Variants in AGO4 observed in about 807,000 individuals in gnomAD.
AGO4 encodes protein argonaute-4.
AGO4 carries 33 observed loss-of-function variants against 104.7 expected under a neutral mutation model. The observed-to-expected ratio is 0.32, with a 90% confidence interval of 0.24 to 0.42. AGO4 has a LOEUF of 0.42. AGO4 is among the 10% of genes least tolerant of loss of function. The pLI is 1.00. For synonymous variants in AGO4, 331 were observed against 364.7 expected (o/e 0.91, Z 1.05); for missense variants, 711 against 1,083.4 (o/e 0.66, Z 4.83).
chr1:35,850,790 A>C (rs1644680838), intron 16 of AGO4, 64 bp from the exon 17 acceptor site: 6 of 1,024,892 alleles, frequency 5.9e-6, no homozygotes, highest in South Asian at 3.2e-5. Flanking sequence ...CAAAAAAAAA[A>C]AAAAAAAAAC....
At chr1:35,836,335 T>G (rs1192508351) in intron 13 of AGO4, among the ~76,000 whole-genome samples, 1 of 152,254 alleles carries the variant, frequency 6.6e-6, no homozygotes, top group Non-Finnish European at 1.5e-5. Flanking sequence ...TCTGTGAGGT[T>G]AATTTGTGTT....
intron 15 of AGO4, among the ~76,000 whole-genome samples, chr1:35,846,490 G>A (rs1221933809): frequency 6.6e-6 from 1 of 151,582 alleles, no homozygotes; most frequent in Non-Finnish European, 1.5e-5. Context: ...CCAGCTACTC[G>A]GGAGGCTGAG....
intron 10 of AGO4, 62 bp from the exon 11 acceptor site, chr1:35,832,370 TTGTAA>T: frequency 6.6e-7 from 1 of 1,509,828 alleles, no homozygotes; most frequent in Non-Finnish European, 8.8e-7. Context: ...TGGCCTTAGA[TTGTAA>T]TGTCTTTTCT....
chr1:35,830,902 A>G, intron 7 of AGO4, among the ~76,000 whole-genome samples: 1 of 149,354 alleles, frequency 6.7e-6, no homozygotes, highest in Non-Finnish European at 1.5e-5. Context: ...AACCCGGGAG[A>G]TGGAGATTGC....
chr1:35,831,975 CA>C (rs746810323), intron 9 of AGO4, 44 bp downstream of exon 9: 14 of 1,605,010 alleles, frequency 8.7e-6, no homozygotes, highest in Admixed American at 1.7e-5. Flanking sequence ...TTTGAGATGA[CA>C]AAAAACAAAA....
At chr1:35,833,240 C>T (rs1571287560) in intron 11 of AGO4, among the ~76,000 whole-genome samples, 1 of 151,994 alleles carries the variant, frequency 6.6e-6, no homozygotes, top group Non-Finnish European at 1.5e-5. Flanking sequence ...GATCTCACCA[C>T]TGCACTCCAG....
chr1:35,845,596 T>C (rs1644554532), intron 15 of AGO4, among the ~76,000 whole-genome samples: 1 of 152,176 alleles, frequency 6.6e-6, no homozygotes, highest in Admixed American at 6.6e-5. Context: ...TCTTCTCTTC[T>C]CAATTTCAGC....
intron 17 of AGO4, 28 bp from the exon 18 acceptor site, chr1:35,853,468 TG>T (rs751061786): frequency 1.3e-6 from 2 of 1,557,028 alleles, no homozygotes; most frequent in Middle Eastern, 1.7e-4. Context: ...TGTTTTGCTT[TG>T]TTTTGTTTTG....
chr1:35,812,984 A>C (rs1230079029), intron 1 of AGO4, among the ~76,000 whole-genome samples: 1 of 152,216 alleles, frequency 6.6e-6, no homozygotes, highest in Non-Finnish European at 1.5e-5. Context: ...GGGTTAATTC[A>C]GTATGTTTAT....
intron 1 of AGO4, 57 bp from the exon 2 acceptor site, chr1:35,816,825 A>C (rs1643722959): frequency 6.8e-7 from 1 of 1,475,622 alleles, no homozygotes. Context: ...AAAAAAAGAA[A>C]GAAAGAAAGA....
chr1:35,825,274 T>G, intron 3 of AGO4, 39 bp from the exon 4 acceptor site: 10 of 1,594,862 alleles, frequency 6.3e-6, no homozygotes, highest in Non-Finnish European at 7.7e-6. Flanking sequence ...ACAGCCATTG[T>G]AAACATTTGT....
Position 35,831,795 on chromosome 1 carries a change from T to C in AGO4, c.997-17T>C. 2 of 1,613,914 alleles carry C rather than the reference T, an allele frequency of 1.2e-6. No individual in the cohort carries two copies. Among genetic ancestry groups the C allele is most frequent in the Middle Eastern group, 1.7e-4 (1 of 6,036 alleles). ...GGAACCCTTTACACAAACCAATTTCTCTTTGTCTCTTGGCAGGTCTGTAAT... is the reference window on the plus strand; with the variant it reads ...GGAACCCTTTACACAAACCAATTTCCCTTTGTCTCTTGGCAGGTCTGTAAT... On this transcript the variant is annotated splice_polypyrimidine_tract_variant and intron_variant, in intron 8 of 17. Transcript: ENST00000373210.
chr1:35,853,681 G>A lies in AGO4; in HGVS notation c.*76G>A, dbSNP rs1293783216. 2 of 1,280,866 alleles carry A rather than the reference G, an allele frequency of 1.6e-6. No homozygotes were observed. Among genetic ancestry groups the A allele is most frequent in the African/African-American group, 1.5e-5 (1 of 67,868 alleles). The allele number at this position is 1,280,866 out of a possible 1,614,324, so 79.3% of individuals were successfully genotyped here. The stretch of plus-strand genomic sequence containing the variant: ...ATGTTTCAAATGCCTACCGCCTCTA[G>A]ATCGAGCCACGTTGACTTCAGGTGG... On this transcript the variant is annotated 3_prime_UTR_variant, in exon 18 of 18. Transcript: ENST00000373210.
intron 15 of AGO4, 114 bp from the exon 16 acceptor site, chr1:35,850,043 T>G (rs1474079127): frequency 6.1e-6 from 4 of 655,800 alleles, no homozygotes; most frequent in African/African-American, 1.9e-5. Flanking sequence ...AAAGTGATTT[T>G]CAAGACTTAA....
At position 35,836,119 on chromosome 1, in the gene AGO4, C is replaced by T. The variant is rs901888882; in HGVS notation, c.1724+126C>T. 6.9e-5 allele frequency: 68 copies of T among 991,584 alleles called. No homozygotes were observed. In the Middle Eastern group the frequency reaches 2.8e-3, roughly 41 times the overall value. The allele number at this position is 991,584 out of a possible 1,614,324, so 61.4% of individuals were successfully genotyped here. On this transcript the variant is annotated intron_variant, in intron 13 of 17. Transcript: ENST00000373210. ...TCTTGTATATATATGCACCCATATACCCAATTCCCAGATAAAGATATAGAA... is the reference window on the plus strand; with the variant it reads ...TCTTGTATATATATGCACCCATATATCCAATTCCCAGATAAAGATATAGAA...
intron 11 of AGO4, among the ~76,000 whole-genome samples, chr1:35,833,146 G>A (rs1224647656): frequency 6.6e-6 from 1 of 152,094 alleles, no homozygotes; most frequent in Admixed American, 6.6e-5. Flanking sequence ...AGGCATGGTG[G>A]CACGCGCCTG....
chr1:35,837,045 C>T (rs546437306), intron 13 of AGO4, among the ~76,000 whole-genome samples: 2 of 152,180 alleles, frequency 1.3e-5, no homozygotes, highest in African/African-American at 2.4e-5. Flanking sequence ...AGCACATTTT[C>T]ATATGCTCAT....
In AGO4 at chr1:35,808,472, C is replaced by A. The variant is rs1034490015; in HGVS notation, c.19+37C>A. On this transcript the variant is annotated intron_variant, in intron 1 of 17. Transcript: ENST00000373210. This position sits in a 1 kb window ranked among gnomAD's most constrained non-coding sequence, Gnocchi z 5.2. ...GCTCGGGTCGGGGCGGGACCCGGGA[C>A]CCGGGACCCGGGGCGGGCGGCCGGG... is the stretch of plus-strand genomic sequence containing the variant. The A allele has an allele frequency of 3.4e-6, 4 of 1,180,042 alleles. No homozygotes were observed. The African/African-American group carries it at 6.4e-5, about 19-fold the overall frequency. 73.1% of individuals were successfully genotyped at this position (1,180,042 alleles called of 1,614,324 possible). A position where few individuals can be genotyped will look rare whatever the true frequency, so the allele number is the denominator to read the frequency against.
At chr1:35,808,013 C>T (rs1643348744), upstream of AGO4, among the ~76,000 whole-genome samples, 1 of 150,600 alleles carries the variant, frequency 6.6e-6, no homozygotes, top group Admixed American at 6.6e-5. The surrounding 1 kb of genome is among the most constrained non-coding windows in gnomAD (Gnocchi z 5.2). Flanking sequence ...CGGGCGCGCG[C>T]TCGTTCCCCG....
Sources: gnomAD v4.1 joint callset for allele counts (sites outside exome capture counted in the v4.1 genomes callset) on GRCh38, gnomAD v4.1.1 for gene constraint, Gnocchi (gnomAD v3.1) non-coding constraint, MANE v1.5 for transcripts, NCBI Gene and HGNC (gene_info 2026-07-23, HGNC 2026-07-21) for gene names.